CSMD1: variants seen among roughly 807,000 people sequenced by gnomAD.
CSMD1 encodes the protein CUB and sushi domain-containing protein 1.
CSMD1 carries 213 observed loss-of-function variants against 417.5 expected under a neutral mutation model. That is an observed-to-expected ratio of 0.51 (90% CI 0.46 to 0.57). The LOEUF is 0.57. Ranked by LOEUF, CSMD1 falls within the 20% of genes least tolerant of loss-of-function variation. The pLI is 0.00. For missense variants in CSMD1, 6,923 were observed against 4,529.7 expected (o/e 1.53, Z -15.17); for synonymous variants, 2,862 against 1,736.8 (o/e 1.65, Z -16.11).
At chr8:3,741,506 C>T (rs1449897478) in intron 6 of CSMD1, among the ~76,000 whole-genome samples, 8 of 152,148 alleles carry the variant, frequency 5.3e-5, no homozygotes, top group Non-Finnish European at 1.0e-4. Flanking sequence ...CTTCCCATTT[C>T]CTTTTGTTTT....
intron 2 of CSMD1, among the ~76,000 whole-genome samples, chr8:4,461,621 G>A (rs1245075831): frequency 3.3e-5 from 5 of 151,794 alleles, no homozygotes; most frequent in African/African-American, 1.2e-4. Context: ...TACAATCTCA[G>A]CCCACTGCAT....
At chr8:4,128,454 G>A (rs1802895053) in intron 3 of CSMD1, among the ~76,000 whole-genome samples, 1 of 152,186 alleles carries the variant, frequency 6.6e-6, no homozygotes, top group Non-Finnish European at 1.5e-5. Flanking sequence ...ATGCACATAT[G>A]CCATTCCACA....
intron 25 of CSMD1, among the ~76,000 whole-genome samples, chr8:3,295,058 G>C (rs560717399): frequency 2.0e-5 from 3 of 152,104 alleles, no homozygotes; most frequent in Non-Finnish European, 4.4e-5. Context: ...TTTAAGAGTA[G>C]TTACATATTA....
In CSMD1 at chr8:3,850,381, A is replaced by T. The variant is rs571109131; in HGVS notation, c.819-96339T>A. 9.1e-4 allele frequency among the ~76,000 whole-genome samples: 138 copies of T among 152,280 alleles called. 4 individuals carry two copies. The South Asian group carries it at 0.028, about 31-fold the overall frequency. On this transcript the variant is annotated intron_variant, in intron 5 of 69. Coordinates refer to ENST00000635120, the MANE Select transcript of CSMD1 (RefSeq NM_033225.6). ...TTTTCTCTTTGTCCTGTAAGCACTG[A>T]CACTGAATTCAACTCCTCAAAATTC...
chr8:4,486,646 T>A (rs751057887), intron 2 of CSMD1, among the ~76,000 whole-genome samples: 54 of 152,112 alleles, frequency 3.6e-4, no homozygotes, highest in Admixed American at 8.5e-4. Flanking sequence ...CACTGTGACA[T>A]ACATATAGAT....
intron 3 of CSMD1, among the ~76,000 whole-genome samples, chr8:4,400,246 G>C (rs1804556449): frequency 6.6e-6 from 1 of 152,200 alleles, no homozygotes; most frequent in South Asian, 2.1e-4. Flanking sequence ...CATGGAAGAA[G>C]TTCTGGCTCT....
intron 26 of CSMD1, among the ~76,000 whole-genome samples, chr8:3,267,415 T>C (rs1008990921): frequency 6.6e-6 from 1 of 152,266 alleles, no homozygotes; most frequent in Admixed American, 6.5e-5. Flanking sequence ...GCTGCAACAA[T>C]AGATGATGGC....
intron 3 of CSMD1, among the ~76,000 whole-genome samples, chr8:4,336,601 C>A (rs919786419): frequency 2.6e-5 from 4 of 152,144 alleles, no homozygotes; most frequent in African/African-American, 9.7e-5. Flanking sequence ...TTTACACACA[C>A]AAAGTGCATT....
intron 1 of CSMD1, among the ~76,000 whole-genome samples, chr8:4,918,807 G>A (rs951148009): frequency 8.6e-5 from 13 of 152,024 alleles, no homozygotes; most frequent in African/African-American, 2.7e-4. Flanking sequence ...ACACACTTGT[G>A]AATATGTATG....
At chr8:4,393,321 C>T (rs1362417682) in intron 3 of CSMD1, among the ~76,000 whole-genome samples, 1 of 152,104 alleles carries the variant, frequency 6.6e-6, no homozygotes, top group Non-Finnish European at 1.5e-5. Flanking sequence ...AAAGGAATAT[C>T]ACAAAGTTGA....
intron 17 of CSMD1, among the ~76,000 whole-genome samples, chr8:3,394,535 G>C (rs2938238): frequency 0.94 from 143,105 of 151,976 alleles, 67,406 homozygotes; most frequent in South Asian, 0.98. Flanking sequence ...GAAAGGAAAA[G>C]TGTTCTAATA....
At chr8:4,927,602 G>C (rs1282779007) in intron 1 of CSMD1, among the ~76,000 whole-genome samples, 2 of 152,136 alleles carry the variant, frequency 1.3e-5, no homozygotes, top group Non-Finnish European at 2.9e-5. Flanking sequence ...GGTTCTTCAT[G>C]GCATCCTAAA....
At chr8:3,753,893 T>G in intron 6 of CSMD1, 37 bp downstream of exon 6, 5 of 1,340,744 alleles carry the variant, frequency 3.7e-6, no homozygotes, top group Non-Finnish European at 2.1e-6. Context: ...TATTACGCTC[T>G]GTTTTTTTTT....
At chr8:3,472,719 A>G (rs1193366329) in intron 11 of CSMD1, among the ~76,000 whole-genome samples, 1 of 152,116 alleles carries the variant, frequency 6.6e-6, no homozygotes, top group East Asian at 1.9e-4. Flanking sequence ...TCTCAAGCCC[A>G]TTCCCAGCCC....
At chr8:3,622,710 T>C (rs568775901) in intron 7 of CSMD1, among the ~76,000 whole-genome samples, 3 of 152,380 alleles carry the variant, frequency 2.0e-5, no homozygotes, top group Non-Finnish European at 4.4e-5. Context: ...GGGAGTTGTT[T>C]CGTGTGATAA....
intron 4 of CSMD1, among the ~76,000 whole-genome samples, chr8:4,029,752 T>C (rs1797246158): frequency 6.6e-6 from 1 of 152,172 alleles, no homozygotes; most frequent in Non-Finnish European, 1.5e-5. Context: ...TAACTCGAAA[T>C]TCCACCTTCC....
At chr8:3,509,588 A>G (rs1239707168) in intron 10 of CSMD1, among the ~76,000 whole-genome samples, 1 of 152,244 alleles carries the variant, frequency 6.6e-6, no homozygotes, top group Non-Finnish European at 1.5e-5. Context: ...TTTCTATGTT[A>G]GAAGCTATAT....
intron 6 of CSMD1, among the ~76,000 whole-genome samples, chr8:3,719,001 G>T (rs1285621133): frequency 6.6e-6 from 1 of 152,110 alleles, no homozygotes; most frequent in Non-Finnish European, 1.5e-5. Context: ...AACAAGGGGT[G>T]AGACAACGCG....
At chr8:3,670,813 A>G (rs927407225) in intron 7 of CSMD1, among the ~76,000 whole-genome samples, 5 of 150,880 alleles carry the variant, frequency 3.3e-5, no homozygotes, top group Admixed American at 2.6e-4. Flanking sequence ...ATATATGTAT[A>G]TGGGATATAT....
Sources: gnomAD v4.1 joint callset for allele counts (sites outside exome capture counted in the v4.1 genomes callset) on GRCh38, gnomAD v4.1.1 for gene constraint, MANE v1.5 for transcripts, NCBI Gene and HGNC (gene_info 2026-07-23, HGNC 2026-07-21) for gene names.